Variants in SEC22C observed in about 807,000 individuals in gnomAD.
The protein encoded by SEC22C is vesicle-trafficking protein SEC22c.
Under a neutral mutation model 34.7 loss-of-function variants are expected in SEC22C, and 29 were observed. The observed-to-expected ratio is 0.84, with a 90% CI of 0.62 to 1.14. SEC22C has a LOEUF of 1.14. Among genes scored for constraint, SEC22C ranks in the 50% most tolerant of loss-of-function variants. The pLI, the probability that SEC22C is intolerant of heterozygous loss-of-function variation, is 0.00. For synonymous variants in SEC22C, 117 were observed against 132.8 expected, an observed-to-expected ratio of 0.88 and a Z score of 0.82; for missense variants, 337 against 369.0, an observed-to-expected ratio of 0.91 and a Z score of 0.71.
upstream of SEC22C, among the ~76,000 whole-genome samples, chr3:42,586,429 G>C (rs544079788): frequency 6.6e-6 from 1 of 152,128 alleles, no homozygotes; most frequent in Admixed American, 6.5e-5. Flanking sequence ...CAACATGTTA[G>C]CCAGGCTGGT....
chr3:42,584,088 G>C (rs3886782), upstream of SEC22C, among the ~76,000 whole-genome samples: 5,045 of 152,214 alleles, frequency 0.033, 136 homozygotes, highest in East Asian at 0.11. Context: ...ATAACTATGT[G>C]AGCCAGTTCC....
chr3:42,548,934 C>A lies in SEC22C; in HGVS notation c.*4314G>T. On this transcript the variant is annotated 3_prime_UTR_variant, in exon 7 of 7. Transcript: ENST00000264454. The stretch of plus-strand genomic sequence containing the variant: ...TATTACCCTCCACTACCACTTTTGA[C>A]CCTCATAACAGCACCCTGGCGGGGG... 8.0e-7 allele frequency: 1 copy of A among 1,245,536 alleles called. No homozygotes were observed. The highest frequency in any genetic ancestry group is 1.0e-6 in the Non-Finnish European group (1 of 987,410). The allele number at this position is 1,245,536 out of a possible 1,614,324, so 77.2% of individuals were successfully genotyped here. A position where few individuals can be genotyped will look rare whatever the true frequency, so the allele number is the denominator to read the frequency against.
In SEC22C at chr3:42,568,395, C is replaced by T. The variant is rs146706206; in HGVS notation, c.182+470G>A. Among the ~76,000 whole-genome samples, 842 of 152,128 alleles carry T rather than the reference C, an allele frequency of 5.5e-3. 10 individuals are homozygous for T. Among genetic ancestry groups the T allele is most frequent in the African/African-American group, 0.019 (793 of 41,486 alleles). On this transcript the variant is annotated intron_variant, in intron 2 of 6. Transcript: ENST00000264454. The stretch of plus-strand genomic sequence containing the variant: ...GTGCAGTGGCTCACACTTGTAATCC[C>T]AGTACTCTGACAGGTCGAGGCAGGT...
intron 2 of SEC22C, chr3:42,564,358 T>G (rs879577360): frequency 6.4e-6 from 1 of 156,104 alleles, no homozygotes; most frequent in Non-Finnish European, 1.4e-5. Flanking sequence ...CACTGTGGAA[T>G]GTCTCCTCTT....
chr3:42,549,847 C>T lies in SEC22C; in HGVS notation c.*3401G>A, dbSNP rs1702160485. 1.0e-6 allele frequency: 1 copy of T among 985,434 alleles called. No homozygotes were observed. The highest frequency in any genetic ancestry group is 1.7e-5 in the African/African-American group (1 of 57,350). 61.0% of individuals were successfully genotyped at this position (985,434 alleles called of 1,614,324 possible). A position where few individuals can be genotyped will look rare whatever the true frequency, so the allele number is the denominator to read the frequency against. ...GCTTAAATGTTTTAATTCCAGCATT[C>T]TCCAGAGTTCACAGAAAAGAGGGAT... On this transcript the variant is annotated 3_prime_UTR_variant, in exon 7 of 7. Transcript: ENST00000264454.
chr3:42,554,791 G>A (rs1023116012), intron 6 of SEC22C, among the ~76,000 whole-genome samples: 6 of 152,184 alleles, frequency 3.9e-5, no homozygotes, highest in Admixed American at 3.9e-4. Context: ...GACAAGGAAG[G>A]AGAATTAGAG....
In SEC22C at chr3:42,548,527, A is replaced by G; in HGVS notation, c.*4721T>C. 1 of 1,473,412 alleles carries G rather than the reference A, an allele frequency of 6.8e-7. No homozygotes were observed. Among genetic ancestry groups the G allele is most frequent in the Non-Finnish European group, 9.5e-7 (1 of 1,056,454 alleles). The allele number at this position is 1,473,412 out of a possible 1,614,324, so 91.3% of individuals were successfully genotyped here. A position where few individuals can be genotyped will look rare whatever the true frequency, so the allele number is the denominator to read the frequency against. ...GCCCTTTTCCACAGGCTCCCTGCTGATGAGATTTCCCCAGCAGCAGAAGTT... is the reference window on the plus strand; with the variant it reads ...GCCCTTTTCCACAGGCTCCCTGCTGGTGAGATTTCCCCAGCAGCAGAAGTT... On this transcript the variant is annotated 3_prime_UTR_variant, in exon 7 of 7. Transcript: ENST00000264454.
At chr3:42,591,514 T>G in intron 1 of SEC22C, 1 of 1,610,666 alleles carries the variant, frequency 6.2e-7, no homozygotes, top group Non-Finnish European at 8.5e-7. Context: ...TTTCTTTCTC[T>G]GATCTTTCAG....
chr3:42,592,983 A>G (rs1007626873), intron 1 of SEC22C, among the ~76,000 whole-genome samples: 3 of 152,232 alleles, frequency 2.0e-5, no homozygotes, highest in Non-Finnish European at 4.4e-5. Context: ...TCTGCATTGC[A>G]TTTCAAAAAT....
At chr3:42,590,298 T>A (rs1460482664) in intron 1 of SEC22C, among the ~76,000 whole-genome samples, 2 of 152,058 alleles carry the variant, frequency 1.3e-5, no homozygotes, top group East Asian at 3.9e-4. Flanking sequence ...GGACAATGGA[T>A]CTGAAGCCAT....
chr3:42,570,658 T>C (rs1577333212), intron 1 of SEC22C, among the ~76,000 whole-genome samples: 1 of 152,046 alleles, frequency 6.6e-6, no homozygotes, highest in South Asian at 2.1e-4. Context: ...CAGGACCAGG[T>C]CAACTGCCAG....
upstream of SEC22C, among the ~76,000 whole-genome samples, chr3:42,585,518 G>T (rs1339083480): frequency 1.3e-5 from 2 of 152,204 alleles, no homozygotes; most frequent in Admixed American, 1.3e-4. Context: ...CTAGCCTGCA[G>T]AAACTTCCAG....
intron 1 of SEC22C, among the ~76,000 whole-genome samples, chr3:42,576,754 C>T (rs1163268606): frequency 6.6e-6 from 1 of 150,804 alleles, no homozygotes; most frequent in South Asian, 2.1e-4. Flanking sequence ...AATAAGCAAG[C>T]GAGTTTGTGG....
At chr3:42,592,208 T>C (rs186630702) in intron 1 of SEC22C, among the ~76,000 whole-genome samples, 24 of 152,232 alleles carry the variant, frequency 1.6e-4, no homozygotes, top group East Asian at 1.3e-3. Context: ...CTTTTCTTTT[T>C]TTTTTTCTTT....
intron 1 of SEC22C, among the ~76,000 whole-genome samples, chr3:42,593,552 C>G (rs960721048): frequency 6.6e-6 from 1 of 152,204 alleles, no homozygotes; most frequent in African/African-American, 2.4e-5. Context: ...GGGAGGTGTC[C>G]TGGAACCAAT....
chr3:42,550,167 A>G lies in SEC22C; in HGVS notation c.*3081T>C. 1 of 985,464 alleles carries G rather than the reference A, an allele frequency of 1.0e-6. No homozygotes were observed. The highest frequency in any genetic ancestry group is 1.2e-6 in the Non-Finnish European group (1 of 829,946). 61.0% of individuals were successfully genotyped at this position (985,464 alleles called of 1,614,324 possible). On this transcript the variant is annotated 3_prime_UTR_variant, in exon 7 of 7. Transcript: ENST00000264454. The stretch of plus-strand genomic sequence containing the variant: ...CCACACTCTGGCCTTGATACAGTAG[A>G]TGGGACTTAACACACTCTGATGCTC...
At position 42,552,073 on chromosome 3, in the gene SEC22C, G is replaced by C; in HGVS notation, c.*1175C>G. On this transcript the variant is annotated 3_prime_UTR_variant, in exon 7 of 7. Coordinates refer to ENST00000264454, the MANE Select transcript of SEC22C (RefSeq NM_032970.4). ...GGCTGAAATTTCGGGAAACCTAAGG[G>C]ATCTTATCCAGAACCATATTTTGGA... 1 of 985,364 alleles carries C rather than the reference G, an allele frequency of 1.0e-6. No homozygotes were observed. The highest frequency in any genetic ancestry group is 1.2e-6 in the Non-Finnish European group (1 of 829,918). 61.0% of individuals were successfully genotyped at this position (985,364 alleles called of 1,614,324 possible).
Position 42,552,253 on chromosome 3 carries a change from G to A in SEC22C, c.*995C>T. The A allele has an allele frequency of 1.0e-6, 1 of 985,416 alleles. No individual in the cohort carries two copies. Among genetic ancestry groups the A allele is most frequent in the Non-Finnish European group, 1.2e-6 (1 of 829,936 alleles). The allele number at this position is 985,416 out of a possible 1,614,324, so 61.0% of individuals were successfully genotyped here. On this transcript the variant is annotated 3_prime_UTR_variant, in exon 7 of 7. Coordinates refer to ENST00000264454, the MANE Select transcript of SEC22C (RefSeq NM_032970.4). Reference sequence around the variant, plus strand: ...AAGCTAATTAAGATGACTGGGAAAGGTGCAGAGGAGTAATTAATTTTGGAG... The same window carrying A: ...AAGCTAATTAAGATGACTGGGAAAGATGCAGAGGAGTAATTAATTTTGGAG...
chr3:42,599,156 A>C (rs1461635703), intron 1 of SEC22C, among the ~76,000 whole-genome samples: 1 of 150,660 alleles, frequency 6.6e-6, no homozygotes, highest in African/African-American at 2.5e-5. Flanking sequence ...TAGTAGAGAA[A>C]GGGTTTCACC....
Sources: allele counts gnomAD v4.1 joint callset (sites outside exome capture counted in the v4.1 genomes callset), GRCh38; gene constraint gnomAD v4.1.1; transcripts MANE v1.5; gene names NCBI Gene and HGNC (gene_info 2026-07-23, HGNC 2026-07-21).